Variants in MTMR9 observed in about 807,000 individuals in gnomAD.
MTMR9 encodes the protein myotubularin related protein 9.
A neutral mutation model predicts 69.5 loss-of-function variants in MTMR9; 39 were observed. The ratio of observed to expected loss-of-function variants is 0.56; its 90% CI spans 0.43 to 0.73. The LOEUF (loss-of-function observed/expected upper bound fraction) is 0.73. Ranked by LOEUF, MTMR9 falls within the 30% of genes least tolerant of loss-of-function variation. The pLI, the probability that MTMR9 is intolerant of heterozygous loss-of-function variation, is 0.00. For missense variants in MTMR9, 900 were observed against 671.2 expected (o/e 1.34, Z -3.77); for synonymous variants, 354 against 240.8 (o/e 1.47, Z -4.35).
chr8:11,318,555 G>T (rs577089979), intron 8 of MTMR9: 7 of 152,290 alleles, frequency 4.6e-5, no homozygotes, highest in African/African-American at 1.7e-4. Flanking sequence ...TATGAGAATT[G>T]AATGTATTAT....
intron 6 of MTMR9, among the ~76,000 whole-genome samples, chr8:11,311,167 C>A (rs1585126463): frequency 6.6e-6 from 1 of 152,198 alleles, no homozygotes; most frequent in African/African-American, 2.4e-5. Context: ...TGCTCATCCC[C>A]TTCAGCCTAG....
Position 11,284,921 on chromosome 8 carries a change from G to A in MTMR9, c.33G>A (p.Arg11=). The A allele has an allele frequency of 6.2e-7, 1 of 1,611,894 alleles. No homozygotes were observed. Among genetic ancestry groups the A allele is most frequent in the South Asian group, 1.1e-5 (1 of 90,666 alleles). The change falls in exon 1 of 10, where the codon CGG becomes CGA. Residue 11 remains arginine, a synonymous_variant. Coordinates refer to ENST00000221086, the MANE Select transcript of MTMR9 (RefSeq NM_015458.4). MEFAELIKTP[R]VDNVVLHRPF... ...TTGCGGAGCTGATTAAGACCCCGCG[G>A]GTGGACAATGTGGTGCTGCACCGGC...
At chr8:11,332,315 A>C, downstream of MTMR9, 7 of 1,011,602 alleles carry the variant, frequency 6.9e-6, no homozygotes, top group East Asian at 2.9e-5. Flanking sequence ...ATGCAAACAA[A>C]TGAGAAATCT....
At chr8:11,308,583 C>A (rs1057484282) in intron 5 of MTMR9, among the ~76,000 whole-genome samples, 6 of 152,082 alleles carry the variant, frequency 3.9e-5, no homozygotes, top group African/African-American at 1.4e-4. Flanking sequence ...AGGTTGTATG[C>A]TTCTAGGAAT....
At chr8:11,339,400 A>C in the MTMR9 span, among the ~76,000 whole-genome samples, 1 of 152,240 alleles carries the variant, frequency 6.6e-6, no homozygotes, top group Non-Finnish European at 1.5e-5. Flanking sequence ...ATTCTCTATC[A>C]CAATACAGTC....
intron 9 of MTMR9, chr8:11,321,358 C>G (rs1027563570): frequency 2.2e-6 from 1 of 455,162 alleles, no homozygotes; most frequent in African/African-American, 2.0e-5. Context: ...AGTATTCTTC[C>G]TGTTTAGGAC....
At chr8:11,331,102 G>T (rs761142808), downstream of MTMR9, 6 of 1,586,046 alleles carry the variant, frequency 3.8e-6, no homozygotes, top group African/African-American at 6.7e-5. Context: ...AAAGTCCAAG[G>T]AAAGATGGCT....
chr8:11,332,006 G>A (rs1460387634), downstream of MTMR9: 2 of 1,611,804 alleles, frequency 1.2e-6, no homozygotes, highest in Non-Finnish European at 1.7e-6. Flanking sequence ...AGTATTATAT[G>A]CTCCATGAGA....
At chr8:11,318,937 G>T (rs1275341375) in intron 8 of MTMR9, 2 of 152,028 alleles carry the variant, frequency 1.3e-5, no homozygotes, top group African/African-American at 2.4e-5. Context: ...GGACTTGGGG[G>T]AGGGACAGAA....
chr8:11,331,404 A>G (rs1801218782), downstream of MTMR9: 19 of 1,613,896 alleles, frequency 1.2e-5, no homozygotes, highest in Non-Finnish European at 1.6e-5. Flanking sequence ...ACCTCCTGAC[A>G]TCCGAGGCTG....
At chr8:11,287,774 A>G (rs1414394386) in intron 1 of MTMR9, among the ~76,000 whole-genome samples, 57 of 124,082 alleles carry the variant, frequency 4.6e-4, no homozygotes, top group African/African-American at 1.8e-3. Flanking sequence ...TTTATTATAT[A>G]TTTATTATAT....
intron 5 of MTMR9, among the ~76,000 whole-genome samples, chr8:11,308,788 T>C (rs746317213): frequency 5.1e-4 from 78 of 152,200 alleles, no homozygotes; most frequent in Non-Finnish European, 1.0e-3. Context: ...GTTTTATCTT[T>C]CTTTTTGAAC....
chr8:11,285,543 T>C (rs1041541986), intron 1 of MTMR9, among the ~76,000 whole-genome samples: 2 of 152,316 alleles, frequency 1.3e-5, no homozygotes, highest in South Asian at 2.1e-4. Flanking sequence ...AAATGTTCAG[T>C]GTATCATATT....
the MTMR9 span, among the ~76,000 whole-genome samples, chr8:11,336,427 C>G: frequency 9.7e-4 from 148 of 152,296 alleles, no homozygotes; most frequent in African/African-American, 3.4e-3. Flanking sequence ...TATTAGATTC[C>G]CTTTGGTGAA....
At chr8:11,297,952 G>C (rs773138516) in intron 2 of MTMR9, 2 of 456,082 alleles carry the variant, frequency 4.4e-6, no homozygotes, top group African/African-American at 4.0e-5. Flanking sequence ...GACACGATTT[G>C]TGAGTAGTAA....
chr8:11,299,237 G>A (rs1799665003), intron 2 of MTMR9, among the ~76,000 whole-genome samples: 1 of 152,200 alleles, frequency 6.6e-6, no homozygotes, highest in Non-Finnish European at 1.5e-5. Context: ...GGCTGAGGAA[G>A]GAGAATCACT....
At chr8:11,312,091 C>A (rs1296973993) in intron 6 of MTMR9, among the ~76,000 whole-genome samples, 1 of 152,150 alleles carries the variant, frequency 6.6e-6, no homozygotes, top group Non-Finnish European at 1.5e-5. Context: ...GTCACCCAGG[C>A]TGGAGTGTAG....
chr8:11,288,046 A>G (rs1214000760), intron 1 of MTMR9, among the ~76,000 whole-genome samples: 15 of 125,552 alleles, frequency 1.2e-4, no homozygotes, highest in Admixed American at 4.8e-4. Flanking sequence ...ATATTATATA[A>G]TACGTATTAT....
downstream of MTMR9, among the ~76,000 whole-genome samples, chr8:11,330,049 C>T (rs919150656): frequency 4.0e-5 from 6 of 151,724 alleles, no homozygotes; most frequent in South Asian, 2.1e-4. Flanking sequence ...GCAGCCGCCC[C>T]GTCTGGGAAG....
Sources: allele counts gnomAD v4.1 joint callset (sites outside exome capture counted in the v4.1 genomes callset), GRCh38; gene constraint gnomAD v4.1.1; transcripts MANE v1.5; gene names NCBI Gene and HGNC (gene_info 2026-07-23, HGNC 2026-07-21).